Variants in CSNK2A2 observed in about 807,000 individuals in gnomAD.
CSNK2A2 encodes casein kinase 2 alpha 2, also known as casein kinase II subunit alpha'.
Under a neutral mutation model 54.0 loss-of-function variants are expected in CSNK2A2, and 8 were observed. That is an observed-to-expected ratio of 0.15 (90% CI 0.09 to 0.27). CSNK2A2 has a LOEUF of 0.27. CSNK2A2 is among the 10% of genes least tolerant of loss of function. The pLI, the probability that CSNK2A2 is intolerant of heterozygous loss-of-function variation, is 1.00. For synonymous variants in CSNK2A2, 141 were observed against 153.9 expected (o/e 0.92, Z 0.62); for missense variants, 242 against 439.4 (o/e 0.55, Z 4.02).
chr16:58,167,406 G>T, intron 7 of CSNK2A2, 98 bp from the exon 8 acceptor site: 1 of 826,318 alleles, frequency 1.2e-6, no homozygotes, highest in Non-Finnish European at 1.9e-6. Flanking sequence ...GTTCAGGGTG[G>T]TATGGCCATA....
intron 4 of CSNK2A2, among the ~76,000 whole-genome samples, chr16:58,175,144 G>C (rs1961843470): frequency 1.3e-5 from 2 of 152,132 alleles, no homozygotes; most frequent in African/African-American, 4.8e-5. Context: ...AAAAAGACAG[G>C]GGTATCAAAA....
chr16:58,179,538 A>G (rs553677257), intron 4 of CSNK2A2, among the ~76,000 whole-genome samples: 1 of 151,986 alleles, frequency 6.6e-6, no homozygotes, highest in South Asian at 2.1e-4. Flanking sequence ...GTGAGGGGAC[A>G]GGGAGAAAAA....
chr16:58,182,726 G>A (rs780964045), intron 4 of CSNK2A2, among the ~76,000 whole-genome samples: 9 of 152,110 alleles, frequency 5.9e-5, no homozygotes, highest in Non-Finnish European at 1.3e-4. Context: ...AAAATATTTG[G>A]TTTCATTAAA....
Position 58,197,994 on chromosome 16 carries a change from G to A in CSNK2A2, c.-258C>T, listed in dbSNP as rs1428356245. 2.7e-5 allele frequency: 4 copies of A among 145,634 alleles called. No homozygotes were observed. Among genetic ancestry groups the A allele is most frequent in the Admixed American group, 2.0e-4 (3 of 14,678 alleles). 9.0% of individuals were successfully genotyped at this position (145,634 alleles called of 1,614,324 possible). On this transcript the variant is annotated 5_prime_UTR_variant, in exon 1 of 12. Coordinates refer to ENST00000262506, the MANE Select transcript of CSNK2A2 (RefSeq NM_001896.4). This position sits in a 1 kb window ranked among gnomAD's most constrained non-coding sequence, Gnocchi z 4.0. ...GGGCGGGCGGCGCTCGCGCTCCGCG[G>A]CGGTCTCCGCTCGGCTCGCGGCCCC...
chr16:58,191,509 C>G (rs1243117008), intron 2 of CSNK2A2, among the ~76,000 whole-genome samples: 1 of 151,978 alleles, frequency 6.6e-6, no homozygotes, highest in African/African-American at 2.4e-5. Context: ...TTACAGGCAC[C>G]CGCCACCATG....
At chr16:58,193,379 A>G (rs531225465) in intron 2 of CSNK2A2, among the ~76,000 whole-genome samples, 13 of 152,252 alleles carry the variant, frequency 8.5e-5, no homozygotes, top group Admixed American at 3.9e-4. Flanking sequence ...ATGCTTAAAG[A>G]GCAAAATTTT....
intron 3 of CSNK2A2, among the ~76,000 whole-genome samples, chr16:58,185,964 A>G (rs776716638): frequency 6.6e-6 from 1 of 152,232 alleles, no homozygotes; most frequent in Non-Finnish European, 1.5e-5. Flanking sequence ...CTACTATATT[A>G]TTATGAGGAT....
At chr16:58,158,728 G>GT (rs1219194570) in intron 11 of CSNK2A2, among the ~76,000 whole-genome samples, 4 of 152,152 alleles carry the variant, frequency 2.6e-5, no homozygotes, top group African/African-American at 9.7e-5. Context: ...TCAGCTCTAG[G>GT]TCCCCCTCAG....
chr16:58,167,319 A>G lies in CSNK2A2; in HGVS notation c.625-11T>C. 1 of 1,596,418 alleles carries G rather than the reference A, an allele frequency of 6.3e-7. No homozygotes were observed. The highest frequency in any genetic ancestry group is 8.6e-7 in the Non-Finnish European group (1 of 1,166,906). ...GCTATAATCATACATCTGAGGCAAT[A>G]AGGACAACGCATTAGCCAAGGGTAT... On this transcript the variant is annotated splice_polypyrimidine_tract_variant and intron_variant, in intron 7 of 11. Coordinates refer to ENST00000262506, the MANE Select transcript of CSNK2A2 (RefSeq NM_001896.4).
At chr16:58,173,124 A>G (rs1283030461) in intron 5 of CSNK2A2, among the ~76,000 whole-genome samples, 1 of 152,240 alleles carries the variant, frequency 6.6e-6, no homozygotes, top group Admixed American at 6.5e-5. Context: ...AGTTCACAGG[A>G]TCATGGCACT....
At chr16:58,193,096 G>GT (rs1431021852) in intron 2 of CSNK2A2, among the ~76,000 whole-genome samples, 5 of 152,324 alleles carry the variant, frequency 3.3e-5, no homozygotes, top group African/African-American at 1.2e-4. Context: ...TGAGACATTA[G>GT]TGAAAATCAG....
chr16:58,176,168 C>G (rs371216062), intron 4 of CSNK2A2, among the ~76,000 whole-genome samples: 5 of 152,134 alleles, frequency 3.3e-5, no homozygotes, highest in African/African-American at 4.8e-5. Context: ...TCAATAAATA[C>G]GCTATGAAAG....
At chr16:58,190,228 T>A (rs2731755) in intron 2 of CSNK2A2, among the ~76,000 whole-genome samples, 36,348 of 148,908 alleles carry the variant, frequency 0.24, 4,894 homozygotes, top group African/African-American at 0.35. Flanking sequence ...AATAAAAAAA[T>A]TTTTTTTTAA....
rs185337605 is a variant in CSNK2A2, at chr16:58,182,356, C to G, written c.369+1904G>C. ...CATCCTGGTTAACATGGTAAAACCCCATTTCTACTAAATATACCAAAAAAA... is the reference window on the plus strand; with the variant it reads ...CATCCTGGTTAACATGGTAAAACCCGATTTCTACTAAATATACCAAAAAAA... On this transcript the variant is annotated intron_variant, in intron 4 of 11. Coordinates refer to ENST00000262506, the MANE Select transcript of CSNK2A2 (RefSeq NM_001896.4). Among the ~76,000 whole-genome samples the G allele has an allele frequency of 7.5e-5, 7 of 93,504 alleles. No individual in the cohort carries two copies. The East Asian group carries it at 2.2e-3, about 30-fold the overall frequency. 61.3% of individuals were successfully genotyped at this position (93,504 alleles called of 152,430 possible).
chr16:58,174,533 G>T (rs1024217313), intron 4 of CSNK2A2, 23 bp from the exon 5 acceptor site: 3 of 1,604,084 alleles, frequency 1.9e-6, no homozygotes, highest in South Asian at 1.1e-5. Context: ...CCAGAAAACA[G>T]AAAGTTAATT....
chr16:58,162,982 T>A (rs1252945615), intron 11 of CSNK2A2: 1 of 152,096 alleles, frequency 6.6e-6, no homozygotes, highest in Non-Finnish European at 1.5e-5. Context: ...GTATCACATA[T>A]CAGAACTTAC....
chr16:58,197,052 C>T lies in CSNK2A2; in HGVS notation c.105-208G>A, dbSNP rs1962474366. 1 of 535,186 alleles carries T rather than the reference C, an allele frequency of 1.9e-6. No individual in the cohort carries two copies. The highest frequency in any genetic ancestry group is 3.4e-6 in the Non-Finnish European group (1 of 295,198). The allele number at this position is 535,186 out of a possible 1,614,324, so 33.2% of individuals were successfully genotyped here. A position where few individuals can be genotyped will look rare whatever the true frequency, so the allele number is the denominator to read the frequency against. On this transcript the variant is annotated intron_variant, in intron 1 of 11. Coordinates refer to ENST00000262506, the MANE Select transcript of CSNK2A2 (RefSeq NM_001896.4). This position sits in a 1 kb window ranked among gnomAD's most constrained non-coding sequence, Gnocchi z 4.0. The stretch of plus-strand genomic sequence containing the variant: ...TCCTAACCTAATTGGTCTCTCCTAA[C>T]TTGGGAAGATGGGGCAGGAAGGCAA...
chr16:58,187,884 G>C (rs1962230288), intron 2 of CSNK2A2, among the ~76,000 whole-genome samples: 1 of 152,250 alleles, frequency 6.6e-6, no homozygotes, highest in East Asian at 1.9e-4. Flanking sequence ...TTGCCACAGT[G>C]CTTTTGTTTC....
chr16:58,182,708 G>C (rs1962088930), intron 4 of CSNK2A2, among the ~76,000 whole-genome samples: 1 of 152,112 alleles, frequency 6.6e-6, no homozygotes, highest in South Asian at 2.1e-4. Context: ...TTCAACTTTT[G>C]CATTAGGAAA....
Sources: allele counts gnomAD v4.1 joint callset (sites outside exome capture counted in the v4.1 genomes callset), GRCh38; gene constraint gnomAD v4.1.1; non-coding constraint Gnocchi (gnomAD v3.1); transcripts MANE v1.5; gene names NCBI Gene and HGNC (gene_info 2026-07-23, HGNC 2026-07-21).